PARD3B: variants seen among roughly 807,000 people sequenced by gnomAD.
The protein encoded by PARD3B is par-3 family cell polarity regulator beta, also known as partitioning defective 3 homolog B.
Under a neutral mutation model 130.2 loss-of-function variants are expected in PARD3B, and 103 were observed. The observed-to-expected ratio is 0.79, with a 90% CI of 0.67 to 0.93. The LOEUF (loss-of-function observed/expected upper bound fraction) is 0.93, where lower values mean the gene tolerates loss of function less well. Among genes scored for constraint, PARD3B ranks in the 40% least tolerant of loss-of-function variants. The pLI is 0.00. For synonymous variants in PARD3B, 583 were observed against 553.2 expected (o/e 1.05, Z -0.76); for missense variants, 1,609 against 1,499.2 (o/e 1.07, Z -1.21).
At chr2:205,114,238 A>G (rs1703862762) in intron 6 of PARD3B, among the ~76,000 whole-genome samples, 1 of 152,268 alleles carries the variant, frequency 6.6e-6, no homozygotes, top group Non-Finnish European at 1.5e-5. Context: ...TGGATTTAAA[A>G]CTTGTTCTCT....
intron 2 of PARD3B, among the ~76,000 whole-genome samples, chr2:204,795,692 A>G (rs2042347301): frequency 6.6e-6 from 1 of 152,224 alleles, no homozygotes; most frequent in South Asian, 2.1e-4. Context: ...CAAGCAACAC[A>G]TTTCTGAACT....
chr2:205,522,692 C>T (rs2051131728), intron 21 of PARD3B, among the ~76,000 whole-genome samples: 1 of 152,080 alleles, frequency 6.6e-6, no homozygotes. Flanking sequence ...TAAATATATG[C>T]ATACCATATT....
At chr2:204,771,036 G>A (rs905177483) in intron 2 of PARD3B, among the ~76,000 whole-genome samples, 10 of 152,046 alleles carry the variant, frequency 6.6e-5, no homozygotes, top group African/African-American at 2.4e-4. Context: ...TTAGCAAATC[G>A]CTGGTGTTAG....
intron 18 of PARD3B, among the ~76,000 whole-genome samples, chr2:205,395,330 T>C (rs926626590): frequency 4.6e-5 from 7 of 152,236 alleles, no homozygotes; most frequent in African/African-American, 1.4e-4. Flanking sequence ...ATGAACGCTT[T>C]TCAGTCCTCA....
intron 3 of PARD3B, among the ~76,000 whole-genome samples, chr2:204,965,747 A>G (rs1027111735): frequency 6.6e-6 from 1 of 152,064 alleles, no homozygotes; most frequent in Non-Finnish European, 1.5e-5. Flanking sequence ...AATCTGGGGG[A>G]AATGTTTTGA....
rs371853489 is a variant in PARD3B, at chr2:204,776,976, A to G, written c.222+90694A>G. Reference sequence around the variant, plus strand: ...AGATAGCAATGCCTCTGTGAGAACAAGAAGGAAGCCAAAGGATTACATCTG... The same window carrying G: ...AGATAGCAATGCCTCTGTGAGAACAGGAAGGAAGCCAAAGGATTACATCTG... On this transcript the variant is annotated intron_variant, in intron 2 of 22. Transcript: ENST00000406610. Among the ~76,000 whole-genome samples, 27 of 152,224 alleles carry G rather than the reference A, an allele frequency of 1.8e-4. No individual in the cohort carries two copies. The East Asian group carries it at 4.9e-3, about 27-fold the overall frequency.
chr2:204,922,170 C>T (rs532401799), intron 2 of PARD3B, among the ~76,000 whole-genome samples: 11 of 152,124 alleles, frequency 7.2e-5, no homozygotes, highest in Admixed American at 1.3e-4. Context: ...GGAGATTCAA[C>T]GGCCATTTTC....
rs947376475 is a variant in PARD3B at position 205,268,571 on chromosome 2, G to A, written c.2185+22749G>A. Among the ~76,000 whole-genome samples the A allele has an allele frequency of 6.6e-6, 1 of 152,106 alleles. No homozygotes were observed. Among genetic ancestry groups the A allele is most frequent in the Non-Finnish European group, 1.5e-5 (1 of 68,002 alleles). On this transcript the variant is annotated intron_variant, in intron 16 of 22. Coordinates refer to ENST00000406610, the MANE Select transcript of PARD3B (RefSeq NM_001302769.2). The surrounding 1 kb of genome is among the most constrained non-coding windows in gnomAD (Gnocchi z 4.1). ...AGAAAAATCTGATTTGAAATCAGGTGGAAAGTGCTCTAATGCCACTAGTAT... is the reference window on the plus strand; with the variant it reads ...AGAAAAATCTGATTTGAAATCAGGTAGAAAGTGCTCTAATGCCACTAGTAT...
chr2:205,049,706 A>G (rs1268544654), intron 4 of PARD3B, among the ~76,000 whole-genome samples: 1 of 152,196 alleles, frequency 6.6e-6, no homozygotes, highest in African/African-American at 2.4e-5. Flanking sequence ...AAGTTGGGGT[A>G]TGGGGCAGAA....
intron 2 of PARD3B, among the ~76,000 whole-genome samples, chr2:204,752,256 A>G (rs539344389): frequency 6.6e-5 from 10 of 152,190 alleles, no homozygotes; most frequent in African/African-American, 1.9e-4. Flanking sequence ...GGCAATCTTT[A>G]TGTCTTTATG....
chr2:205,524,566 C>T (rs2051249486), intron 21 of PARD3B, among the ~76,000 whole-genome samples: 1 of 152,154 alleles, frequency 6.6e-6, no homozygotes, highest in South Asian at 2.1e-4. Flanking sequence ...GTGGCTGTGT[C>T]TGCCCTTCAC....
At chr2:205,198,731 G>A (rs1437166016) in intron 15 of PARD3B, among the ~76,000 whole-genome samples, 5 of 151,926 alleles carry the variant, frequency 3.3e-5, no homozygotes, top group African/African-American at 1.2e-4. Flanking sequence ...TTCTTTTTAA[G>A]ATTATATTCA....
intron 4 of PARD3B, among the ~76,000 whole-genome samples, chr2:205,096,253 C>A (rs1020121983): frequency 6.6e-6 from 1 of 151,882 alleles, no homozygotes; most frequent in Non-Finnish European, 1.5e-5. Context: ...CTTCTTATCC[C>A]CAATATAAAG....
chr2:205,583,117 T>C (rs12614250), intron 22 of PARD3B, among the ~76,000 whole-genome samples: 145,479 of 152,312 alleles, frequency 0.96, 69,842 homozygotes, highest in East Asian at 1. Flanking sequence ...ATGTGCAATA[T>C]ATGCTCTCCG....
At chr2:205,266,446 G>C (rs764836785) in intron 16 of PARD3B, among the ~76,000 whole-genome samples, 12 of 152,084 alleles carry the variant, frequency 7.9e-5, no homozygotes, top group Non-Finnish European at 1.6e-4. Flanking sequence ...AATTATTGTA[G>C]TCTTAATTGG....
intron 1 of PARD3B, among the ~76,000 whole-genome samples, chr2:204,587,182 A>C (rs1002265599): frequency 2.6e-5 from 4 of 152,198 alleles, no homozygotes; most frequent in African/African-American, 7.2e-5. Flanking sequence ...AGTGAGACAG[A>C]GAAGATATGA....
chr2:205,132,091 T>TCTCTGTGGCA (rs1575892461), intron 10 of PARD3B, among the ~76,000 whole-genome samples: 1 of 152,188 alleles, frequency 6.6e-6, no homozygotes, highest in East Asian at 1.9e-4. Context: ...AATGCTTACA[T>TCTCTGTGGCA]TGGGCCACAG....
intron 18 of PARD3B, among the ~76,000 whole-genome samples, chr2:205,393,328 A>T (rs920256863): frequency 1.3e-5 from 2 of 152,226 alleles, no homozygotes; most frequent in African/African-American, 4.8e-5. Context: ...AGGAGCTATC[A>T]TGCCTAGTTT....
chr2:205,206,430 T>C (rs2037315017), intron 15 of PARD3B, among the ~76,000 whole-genome samples: 1 of 144,082 alleles, frequency 6.9e-6, no homozygotes. Flanking sequence ...TGTGATCTCA[T>C]TGTTCAAGTC....
Sources: gnomAD v4.1 joint callset for allele counts (sites outside exome capture counted in the v4.1 genomes callset) on GRCh38, gnomAD v4.1.1 for gene constraint, Gnocchi (gnomAD v3.1) non-coding constraint, MANE v1.5 for transcripts, NCBI Gene and HGNC (gene_info 2026-07-23, HGNC 2026-07-21) for gene names.